The following RHOJ variants were observed in gnomAD, a reference collection of about 807,000 sequenced individuals.
The protein encoded by RHOJ is ras homolog family member J.
RHOJ carries 11 observed loss-of-function variants against 23.4 expected under a neutral mutation model. The observed-to-expected ratio is 0.47, with a 90% CI of 0.30 to 0.78. The LOEUF is 0.78. Among genes scored for constraint, RHOJ ranks in the 30% least tolerant of loss-of-function variants. The pLI, the probability that RHOJ is intolerant of heterozygous loss-of-function variation, is 0.08. For missense variants in RHOJ, 254 were observed against 273.4 expected, an observed-to-expected ratio of 0.93 and a Z score of 0.50; for synonymous variants, 102 against 102.7, an observed-to-expected ratio of 0.99 and a Z score of 0.04.
At chr14:63,241,463 A>T (rs1310066233) in intron 1 of RHOJ, among the ~76,000 whole-genome samples, 1 of 152,190 alleles carries the variant, frequency 6.6e-6, no homozygotes. Context: ...ATTCAGAAGA[A>T]TGGCTTGCCA....
chr14:63,215,539 T>C (rs2139731494), intron 1 of RHOJ, among the ~76,000 whole-genome samples: 1 of 152,330 alleles, frequency 6.6e-6, no homozygotes, highest in Non-Finnish European at 1.5e-5. Context: ...AGCCCTGTGT[T>C]GCCTTTGTTA....
intron 1 of RHOJ, among the ~76,000 whole-genome samples, chr14:63,241,036 C>G (rs1391150721): frequency 6.6e-6 from 1 of 152,204 alleles, no homozygotes; most frequent in Non-Finnish European, 1.5e-5. Context: ...GAAACAGTAA[C>G]TAACATAATA....
intron 1 of RHOJ, among the ~76,000 whole-genome samples, chr14:63,265,530 T>C (rs1174368313): frequency 6.6e-6 from 1 of 152,254 alleles, no homozygotes; most frequent in Non-Finnish European, 1.5e-5. Flanking sequence ...CACATGAAAT[T>C]TAGAATAGTA....
chr14:63,214,367 G>T (rs1273716402), intron 1 of RHOJ, among the ~76,000 whole-genome samples: 4 of 152,098 alleles, frequency 2.6e-5, no homozygotes, highest in African/African-American at 9.7e-5. Flanking sequence ...GACTTAGTAG[G>T]TTCAGAAAAC....
intron 1 of RHOJ, among the ~76,000 whole-genome samples, chr14:63,265,583 A>G (rs147404976): frequency 2.1e-4 from 32 of 152,384 alleles, no homozygotes; most frequent in African/African-American, 7.7e-4. Flanking sequence ...ATCAATGATA[A>G]AAAGTCAAAC....
chr14:63,216,410 T>C (rs1894357235), intron 1 of RHOJ, among the ~76,000 whole-genome samples: 1 of 152,238 alleles, frequency 6.6e-6, no homozygotes, highest in South Asian at 2.1e-4. Context: ...AGAATGTTCA[T>C]AAAATGTAAC....
At chr14:63,214,022 G>C (rs908520134) in intron 1 of RHOJ, among the ~76,000 whole-genome samples, 1 of 152,204 alleles carries the variant, frequency 6.6e-6, no homozygotes, top group East Asian at 1.9e-4. Flanking sequence ...CTTCACCACA[G>C]TCATTAAGTT....
At chr14:63,273,297 G>T (rs551684043) in intron 2 of RHOJ, among the ~76,000 whole-genome samples, 95 of 152,314 alleles carry the variant, frequency 6.2e-4, no homozygotes, top group African/African-American at 2.2e-3. Context: ...AGGCCAACCA[G>T]CCCTGTAAGC....
At chr14:63,212,021 G>A (rs1328466289) in intron 1 of RHOJ, among the ~76,000 whole-genome samples, 1 of 152,218 alleles carries the variant, frequency 6.6e-6, no homozygotes. Context: ...TCCTGAGCAG[G>A]TATTCAAGTC....
chr14:63,271,156 TATAAG>T (rs1488373353), intron 2 of RHOJ, among the ~76,000 whole-genome samples: 2 of 152,108 alleles, frequency 1.3e-5, no homozygotes, highest in African/African-American at 4.8e-5. Flanking sequence ...ACAAATAGAT[TATAAG>T]ATATTTTTTC....
intron 1 of RHOJ, among the ~76,000 whole-genome samples, chr14:63,220,905 TTAC>T (rs1894477780): frequency 6.6e-6 from 1 of 152,200 alleles, no homozygotes; most frequent in African/African-American, 2.4e-5. Context: ...ACGGAATTTT[TTAC>T]TAAAGAATCT....
chr14:63,225,064 G>A (rs2139741375), intron 1 of RHOJ, among the ~76,000 whole-genome samples: 1 of 149,252 alleles, frequency 6.7e-6, no homozygotes, highest in East Asian at 2.0e-4. Context: ...CCATTCTCCT[G>A]CCTCAGCCTC....
Position 63,210,291 on chromosome 14 carries a change from T to C in RHOJ, c.178+5244T>C, listed in dbSNP as rs12323752. On this transcript the variant is annotated intron_variant, in intron 1 of 4. Transcript: ENST00000316754. ...GAATTTTCTTGACCTAAGTGGCCAGTGTCACATCTACTGAATAGCTTAACT... is the reference window on the plus strand; with the variant it reads ...GAATTTTCTTGACCTAAGTGGCCAGCGTCACATCTACTGAATAGCTTAACT... 9.9e-3 allele frequency among the ~76,000 whole-genome samples: 1,509 copies of C among 152,338 alleles called. 24 individuals carry two copies. The highest frequency in any genetic ancestry group is 0.034 in the African/African-American group (1,430 of 41,576).
chr14:63,247,975 G>A (rs1337502951), intron 1 of RHOJ, among the ~76,000 whole-genome samples: 2 of 152,128 alleles, frequency 1.3e-5, no homozygotes, highest in Non-Finnish European at 2.9e-5. Context: ...CAGATCTCAT[G>A]AGACTTATTC....
chr14:63,235,210 A>G (rs139933486), intron 1 of RHOJ, among the ~76,000 whole-genome samples: 58 of 148,998 alleles, frequency 3.9e-4, no homozygotes, highest in Middle Eastern at 6.9e-3. Context: ...CTGGACTCCA[A>G]AAAAAAAAAG....
intron 2 of RHOJ, among the ~76,000 whole-genome samples, chr14:63,276,513 A>G (rs1027827438): frequency 1.3e-5 from 2 of 152,092 alleles, no homozygotes; most frequent in African/African-American, 4.8e-5. Flanking sequence ...ATTCTTATTC[A>G]CCTTATATAG....
chr14:63,273,726 A>G (rs1895512826), intron 2 of RHOJ, among the ~76,000 whole-genome samples: 1 of 152,362 alleles, frequency 6.6e-6, no homozygotes, highest in African/African-American at 2.4e-5. Context: ...AGCCCTATTC[A>G]GATTGTGGCC....
At chr14:63,208,522 TGGAA>T (rs1260031906) in intron 1 of RHOJ, among the ~76,000 whole-genome samples, 5 of 152,218 alleles carry the variant, frequency 3.3e-5, no homozygotes, top group Non-Finnish European at 7.3e-5. Flanking sequence ...CTTGATCTCT[TGGAA>T]GCTTTTTTTA....
intron 1 of RHOJ, among the ~76,000 whole-genome samples, chr14:63,254,216 A>T (rs1895122504): frequency 6.6e-6 from 1 of 152,206 alleles, no homozygotes; most frequent in African/African-American, 2.4e-5. Flanking sequence ...CCATGGGCTC[A>T]ATAGCCTTCC....
Sources: gnomAD v4.1 joint callset for allele counts (sites outside exome capture counted in the v4.1 genomes callset) on GRCh38, gnomAD v4.1.1 for gene constraint, MANE v1.5 for transcripts, NCBI Gene and HGNC (gene_info 2026-07-23, HGNC 2026-07-21) for gene names.